DTHD1: variants seen among roughly 807,000 people sequenced by gnomAD.
The protein encoded by DTHD1 is death domain-containing protein 1.
A neutral mutation model predicts 74.8 loss-of-function variants in DTHD1; 59 were observed. The ratio of observed to expected loss-of-function variants is 0.79; its 90% CI spans 0.64 to 0.98. The LOEUF is 0.98. Ranked by LOEUF, DTHD1 falls within the 50% of genes least tolerant of loss-of-function variation. The pLI, the probability that DTHD1 is intolerant of heterozygous loss-of-function variation, is 0.00. For synonymous variants in DTHD1, 365 were observed against 371.1 expected (o/e 0.98, Z 0.19); for missense variants, 1,051 against 1,065.4 (o/e 0.99, Z 0.19).
At position 36,343,588 on chromosome 4, in the gene DTHD1, C is replaced by A. The variant is rs144952478; in HGVS notation, c.2485C>A (p.Arg829Ser). The A allele has an allele frequency of 7.0e-5, 109 of 1,551,738 alleles. No homozygotes were observed. In the East Asian group the frequency reaches 2.6e-3, roughly 37 times the overall value. ...GTCTCTTTCCTCAACTCTCCCTCTGCGCCGTAGCACCATTCAGCTCATCAA... is the reference window on the plus strand; with the variant it reads ...GTCTCTTTCCTCAACTCTCCCTCTGAGCCGTAGCACCATTCAGCTCATCAA... The part of the protein sequence containing the change: ...AESLSSTLPL[R>S]RSTIQLIKLK... Residue 829 changes from arginine to serine, a missense_variant, in exon 10 of 10, where the codon CGC becomes AGC. Physicochemically the swap from Arg to Ser is moderately radical, Grantham distance 110. Coordinates refer to ENST00000639862, the MANE Select transcript of DTHD1 (RefSeq NM_001170700.3).
intron 8 of DTHD1, among the ~76,000 whole-genome samples, chr4:36,335,930 C>A (rs1758986266): frequency 6.6e-6 from 1 of 152,182 alleles, no homozygotes; most frequent in Non-Finnish European, 1.5e-5. Flanking sequence ...TCAAGACACT[C>A]GTACCTCTTT....
Position 36,339,419 on chromosome 4 carries a change from T to A in DTHD1, c.2398+250T>A, listed in dbSNP as rs1343614417. On this transcript the variant is annotated intron_variant, in intron 9 of 9. Transcript: ENST00000639862. ...AAGAAATATAAATGTTACTGAGTTT[T>A]ATTTTATTTGTATGGCTAGCAATTG... 3.3e-5 allele frequency among the ~76,000 whole-genome samples: 5 copies of A among 152,224 alleles called. No individual in the cohort carries two copies. In the East Asian group the frequency reaches 7.7e-4, roughly 23 times the overall value.
chr4:36,314,354 G>A lies in DTHD1; in HGVS notation c.2096-1888G>A, dbSNP rs182885422. 2.7e-3 allele frequency among the ~76,000 whole-genome samples: 410 copies of A among 152,048 alleles called. 1 individual carries two copies. Among genetic ancestry groups the A allele is most frequent in the African/African-American group, 9.5e-3 (392 of 41,472 alleles). ...AACTGCATGCTGGCTTACAATAACC[G>A]AAGGAAGTTTCCATGTAGACATGAA... On this transcript the variant is annotated intron_variant, in intron 7 of 9. Transcript: ENST00000639862.
intron 8 of DTHD1, among the ~76,000 whole-genome samples, chr4:36,317,520 A>G (rs528071606): frequency 1.3e-5 from 2 of 152,284 alleles, no homozygotes; most frequent in South Asian, 4.1e-4. Flanking sequence ...GTAAATTTAT[A>G]TTTTGGTTAT....
Position 36,290,527 on chromosome 4 carries a change from A to G in DTHD1, c.1042A>G (p.Thr348Ala). ...TGAAGAGTTAGTTAGCAACGTCATA[A>G]CTATTGAATGCTCAGATAAGGAAAA... ...DNEELVSNVI[T>A]IECSDKEKRV... Residue 348 changes from threonine to alanine, a missense_variant, in exon 3 of 10, where the codon ACT becomes GCT. Physicochemically the swap from Thr to Ala is moderately conservative, Grantham distance 58. Coordinates refer to ENST00000639862, the MANE Select transcript of DTHD1 (RefSeq NM_001170700.3). 6.4e-7 allele frequency: 1 copy of G among 1,551,726 alleles called. No individual in the cohort carries two copies. The highest frequency in any genetic ancestry group is 8.7e-7 in the Non-Finnish European group (1 of 1,146,980).
At chr4:36,306,149 C>T in intron 5 of DTHD1, 42 bp from the exon 6 acceptor site, 2 of 1,487,666 alleles carry the variant, frequency 1.3e-6, no homozygotes, top group Non-Finnish European at 1.8e-6. Context: ...AGATTTATAT[C>T]ATGTAAATTG....
At chr4:36,311,422 A>G (rs1757401003) in intron 7 of DTHD1, 1 of 152,204 alleles carries the variant, frequency 6.6e-6, no homozygotes, top group African/African-American at 2.4e-5. Context: ...TCAAAGAGAT[A>G]AAGCTAGAGA....
At chr4:36,335,706 T>C (rs940277656) in intron 8 of DTHD1, among the ~76,000 whole-genome samples, 2 of 152,192 alleles carry the variant, frequency 1.3e-5, no homozygotes, top group African/African-American at 2.4e-5. Flanking sequence ...TTAAAAACTT[T>C]TGGAGGTTTC....
In DTHD1 at chr4:36,311,523, T is replaced by C. The variant is rs1281644065; in HGVS notation, c.2095+3030T>C. Reference sequence around the variant, plus strand: ...GTATCTTCAGATCTCACCTCAACTATCATGTTCTGAGAAGCTTTCTCTATC... The same window carrying C: ...GTATCTTCAGATCTCACCTCAACTACCATGTTCTGAGAAGCTTTCTCTATC... On this transcript the variant is annotated intron_variant, in intron 7 of 9. Coordinates refer to ENST00000639862, the MANE Select transcript of DTHD1 (RefSeq NM_001170700.3). Among the ~76,000 whole-genome samples the C allele has an allele frequency of 2.5e-4, 36 of 143,608 alleles. No homozygotes were observed. The Admixed American group carries it at 2.5e-3, about 10-fold the overall frequency. The allele number at this position is 143,608 out of a possible 152,430, so 94.2% of individuals were successfully genotyped here.
At chr4:36,314,421 C>T (rs918027942) in intron 7 of DTHD1, among the ~76,000 whole-genome samples, 1 of 151,438 alleles carries the variant, frequency 6.6e-6, no homozygotes, top group Non-Finnish European at 1.5e-5. Context: ...GCCTGTAATC[C>T]CAGCACTTTG....
At chr4:36,339,512 T>G (rs1187293727) in intron 9 of DTHD1, among the ~76,000 whole-genome samples, 1 of 152,228 alleles carries the variant, frequency 6.6e-6, no homozygotes, top group East Asian at 1.9e-4. Flanking sequence ...AATCTTAAAG[T>G]ACGTTCAATT....
chr4:36,304,692 T>G (rs553487474), intron 5 of DTHD1, among the ~76,000 whole-genome samples: 36 of 152,340 alleles, frequency 2.4e-4, no homozygotes, highest in Admixed American at 9.8e-4. Context: ...ATAGGGACTT[T>G]TCTTCCTTTA....
Position 36,294,873 on chromosome 4 carries a change from C to A in DTHD1, c.1477C>A (p.Pro493Thr), listed in dbSNP as rs866698643. ...DTFYSVQSTS[P>T]LIHIQHPSTY... ...TTTCTACTCAGTCCAATCCACAAGC[C>A]CTCTGATTCACATTCAGCACCCATC... Residue 493 changes from proline to threonine, a missense_variant, in exon 5 of 10, where the codon CCT (proline) becomes ACT (threonine). By Grantham distance (38) the Pro-to-Thr change is conservative (BLOSUM62 -1). Transcript: ENST00000639862. 3.5e-5 allele frequency: 54 copies of A among 1,551,714 alleles called. No homozygotes were observed. Among genetic ancestry groups the A allele is most frequent in the Non-Finnish European group, 4.6e-5 (53 of 1,146,774 alleles).
intron 6 of DTHD1, 41 bp downstream of exon 6, chr4:36,306,393 C>A: frequency 1.3e-6 from 2 of 1,497,458 alleles, no homozygotes; most frequent in Non-Finnish European, 1.8e-6. Context: ...GATACTCTTT[C>A]TGATGGTCAT....
chr4:36,332,420 C>T (rs1758747702), intron 8 of DTHD1, among the ~76,000 whole-genome samples: 1 of 152,196 alleles, frequency 6.6e-6, no homozygotes, highest in South Asian at 2.1e-4. Flanking sequence ...ATTATGTTTG[C>T]TGTGCTTCCT....
chr4:36,284,596 G>A lies in DTHD1; in HGVS notation c.887+5G>A, dbSNP rs1755595731. The A allele has an allele frequency of 6.7e-7, 1 of 1,498,996 alleles. No homozygotes were observed. The highest frequency in any genetic ancestry group is 8.9e-7 in the Non-Finnish European group (1 of 1,129,240). The allele number at this position is 1,498,996 out of a possible 1,614,324, so 92.9% of individuals were successfully genotyped here. On this transcript the variant is annotated splice_donor_5th_base_variant and intron_variant, in intron 2 of 9. Transcript: ENST00000639862. The stretch of plus-strand genomic sequence containing the variant: ...GAATAACATAATGGAAAAGGAGTAA[G>A]TAAATGCAATGTGGGAAGTGCTTAA...
rs1329341578 is a variant in DTHD1 at position 36,343,386 on chromosome 4, G to C, written c.2399-116G>C. 3 of 990,854 alleles carry C rather than the reference G, an allele frequency of 3.0e-6. No individual in the cohort carries two copies. In the East Asian group the frequency reaches 7.9e-5, roughly 26 times the overall value. The allele number at this position is 990,854 out of a possible 1,614,324, so 61.4% of individuals were successfully genotyped here. A position where few individuals can be genotyped will look rare whatever the true frequency, so the allele number is the denominator to read the frequency against. On this transcript the variant is annotated intron_variant, in intron 9 of 9. Transcript: ENST00000639862. ...CCAGGTAGTCTCATATCTCTGCACTGCTCCAAGGCCAAACAAAAGAGCAGG... is the reference window on the plus strand; with the variant it reads ...CCAGGTAGTCTCATATCTCTGCACTCCTCCAAGGCCAAACAAAAGAGCAGG...
At chr4:36,342,918 C>CAAAAAAAAA (rs55956868) in intron 9 of DTHD1, among the ~76,000 whole-genome samples, 85 of 96,438 alleles carry the variant, frequency 8.8e-4, no homozygotes, top group Admixed American at 1.1e-3. Context: ...ACTAAAAATA[C>CAAAAAAAAA]AAAAAAAAAA....
At chr4:36,311,970 T>C (rs1035556743) in intron 7 of DTHD1, among the ~76,000 whole-genome samples, 3 of 152,190 alleles carry the variant, frequency 2.0e-5, no homozygotes, top group African/African-American at 7.2e-5. Context: ...ATGAATGACT[T>C]TTCAGTGAAG....
Sources: gnomAD v4.1 joint callset for allele counts (sites outside exome capture counted in the v4.1 genomes callset) on GRCh38, gnomAD v4.1.1 for gene constraint, MANE v1.5 for transcripts, NCBI Gene and HGNC (gene_info 2026-07-23, HGNC 2026-07-21) for gene names.